The following MYO18A variants were observed in gnomAD, a reference collection of about 807,000 sequenced individuals.
The protein encoded by MYO18A is unconventional myosin-XVIIIa.
A neutral mutation model predicts 235.8 loss-of-function variants in MYO18A; 78 were observed. The ratio of observed to expected loss-of-function variants is 0.33; its 90% CI spans 0.28 to 0.40. MYO18A has a LOEUF of 0.40. Ranked by LOEUF, MYO18A falls within the 10% of genes least tolerant of loss-of-function variation. MYO18A has a pLI of 1.00. For synonymous variants in MYO18A, 977 were observed against 1,077.8 expected (o/e 0.91, Z 1.83); for missense variants, 2,215 against 2,699.3 (o/e 0.82, Z 3.98).
At chr17:29,133,662 C>T (rs2067527289) in intron 2 of MYO18A, 1 of 545,240 alleles carries the variant, frequency 1.8e-6, no homozygotes, top group African/African-American at 2.0e-5. Context: ...TTCTCCCTGC[C>T]ACCCCCAATT....
At chr17:29,163,668 T>C (rs1002250717) in intron 2 of MYO18A, among the ~76,000 whole-genome samples, 2 of 152,176 alleles carry the variant, frequency 1.3e-5, no homozygotes, top group Non-Finnish European at 2.9e-5. Flanking sequence ...AAGGGAAAGC[T>C]AGGAAAATCT....
At chr17:29,115,502 C>T in intron 12 of MYO18A, 61 bp from the exon 13 acceptor site, 3 of 1,566,268 alleles carry the variant, frequency 1.9e-6, no homozygotes, top group South Asian at 2.3e-5. Context: ...CTGGGTAAGC[C>T]CCTGACCTGC....
At chr17:29,093,528 C>A in intron 31 of MYO18A, 101 bp from the exon 32 acceptor site, 1 of 828,432 alleles carries the variant, frequency 1.2e-6, no homozygotes, top group Non-Finnish European at 2.0e-6. Context: ...AACAGTGGGG[C>A]AGGCCTGAGC....
At chr17:29,134,100 T>C (rs2067538468) in intron 2 of MYO18A, among the ~76,000 whole-genome samples, 1 of 152,204 alleles carries the variant, frequency 6.6e-6, no homozygotes, top group African/African-American at 2.4e-5. Context: ...ATTGTTTTTA[T>C]TTTTTTATTT....
At position 29,074,773 on chromosome 17, in the gene MYO18A, TG is replaced by T; in HGVS notation, c.6161del (p.Ala2054AspfsTer36). 1 of 1,613,932 alleles carries T rather than the reference TG, an allele frequency of 6.2e-7. No individual in the cohort carries two copies. Among genetic ancestry groups the T allele is most frequent in the Non-Finnish European group, 8.5e-7 (1 of 1,179,862 alleles). On this transcript the variant is annotated frameshift_variant, in exon 42 of 42. Coordinates refer to ENST00000527372, the MANE Select transcript of MYO18A (RefSeq NM_078471.4). LOFTEE classifies it high-confidence loss of function. This position sits in a 1 kb window ranked among gnomAD's most constrained non-coding sequence, Gnocchi z 4.4. ...DTEAKLTETN[A>X] ...GGCTGCCAACCACTCCCCTGGGCTA[TG>T]CGTTAGTCTCCGTCAGCTTGGCCTC...
In MYO18A at chr17:29,097,790, GCAT is replaced by G. The variant is rs753850710; in HGVS notation, c.4097_4099del (p.Asp1366del). On this transcript the variant is annotated inframe_deletion, in exon 26 of 42. Transcript: ENST00000527372. ...AGCTCCTTGGGCCTCAGGCCCACCTGCATCATCATCATCCACTTCCCCGTTGAT... is the reference window on the plus strand; with the variant it reads ...AGCTCCTTGGGCCTCAGGCCCACCTGCATCATCATCCACTTCCCCGTTGAT... 5 of 1,610,576 alleles carry G rather than the reference GCAT, an allele frequency of 3.1e-6. No homozygotes were observed. The highest frequency in any genetic ancestry group is 2.2e-5 in the East Asian group (1 of 44,870).
intron 2 of MYO18A, among the ~76,000 whole-genome samples, chr17:29,141,170 C>T (rs533787007): frequency 6.6e-6 from 1 of 152,246 alleles, no homozygotes; most frequent in South Asian, 2.1e-4. Flanking sequence ...GGGCCTCAGC[C>T]CTGCAGACAG....
chr17:29,121,815 G>GC lies in MYO18A; in HGVS notation c.1194+35dup, dbSNP rs763226718. ...CCTGCCCTGCCCAGTGCACTCCTGAGCCTCCTCCCCCACACCCAGCCCCCT... is the reference window on the plus strand; with the variant it reads ...CCTGCCCTGCCCAGTGCACTCCTGAGCCCTCCTCCCCCACACCCAGCCCCCT... On this transcript the variant is annotated intron_variant, in intron 4 of 41. Transcript: ENST00000527372. This position sits in a 1 kb window ranked among gnomAD's most constrained non-coding sequence, Gnocchi z 4.2. The GC allele has an allele frequency of 2.5e-6, 4 of 1,612,042 alleles. No individual in the cohort carries two copies. The African/African-American group carries it at 5.3e-5, about 22-fold the overall frequency.
At chr17:29,090,782 G>C (rs1382533789) in intron 35 of MYO18A, 28 bp downstream of exon 35, 1 of 1,592,176 alleles carries the variant, frequency 6.3e-7, no homozygotes, top group South Asian at 1.1e-5. Context: ...ACGGTGCAGA[G>C]TGTGACGGGC....
chr17:29,133,727 C>A, intron 2 of MYO18A: 1 of 1,150,318 alleles, frequency 8.7e-7, no homozygotes, highest in Non-Finnish European at 1.2e-6. Flanking sequence ...TCCCACAAGC[C>A]AGTCTCCTGC....
intron 2 of MYO18A, among the ~76,000 whole-genome samples, chr17:29,148,503 TAG>T (rs1236841431): frequency 3.3e-5 from 5 of 152,080 alleles, no homozygotes; most frequent in Non-Finnish European, 7.4e-5. Context: ...GGGCCAGTAC[TAG>T]AGTCTACACC....
At chr17:29,175,600 G>GC (rs985245053) in intron 1 of MYO18A, among the ~76,000 whole-genome samples, 1 of 151,902 alleles carries the variant, frequency 6.6e-6, no homozygotes, top group African/African-American at 2.4e-5. Flanking sequence ...CTGGGCTCAA[G>GC]CAATCTGCCT....
rs766917344 is a variant in MYO18A at position 29,085,625 on chromosome 17, T to C, written c.5876A>G (p.Tyr1959Cys). ...INSLQDMVTK[Y>C]QKRKNKLEGD... Reference sequence around the variant, plus strand: ...TCACAGTTTATTCTTTCTTTTCTGATACTTTGTCACCATGTCCTGCAAACT... The same window carrying C: ...TCACAGTTTATTCTTTCTTTTCTGACACTTTGTCACCATGTCCTGCAAACT... The change falls in exon 40 of 42, where the codon TAT (tyrosine) becomes TGT (cysteine). Residue 1959 changes from tyrosine to cysteine, a missense_variant. Tyr to Cys is a radical substitution (Grantham distance 194). Coordinates refer to ENST00000527372, the MANE Select transcript of MYO18A (RefSeq NM_078471.4). 1.2e-6 allele frequency: 2 copies of C among 1,614,034 alleles called. No individual in the cohort carries two copies. The highest frequency in any genetic ancestry group is 1.7e-6 in the Non-Finnish European group (2 of 1,179,882).
chr17:29,179,143 C>T (rs1169021373), intron 1 of MYO18A, among the ~76,000 whole-genome samples: 1 of 152,184 alleles, frequency 6.6e-6, no homozygotes, highest in Admixed American at 6.5e-5. Flanking sequence ...AGCATTCCCC[C>T]AGCCCTCCCC....
intron 2 of MYO18A, among the ~76,000 whole-genome samples, chr17:29,146,402 A>C (rs929367602): frequency 2.6e-5 from 4 of 152,202 alleles, no homozygotes; most frequent in African/African-American, 7.2e-5. Context: ...CTGGGTCTCA[A>C]ATCAAGCAAG....
Position 29,107,000 on chromosome 17 carries a change from G to A in MYO18A, c.3441+80C>T. On this transcript the variant is annotated intron_variant, in intron 20 of 41. Transcript: ENST00000527372. The surrounding 1 kb of genome is among the most constrained non-coding windows in gnomAD (Gnocchi z 4.6). ...GGCCAGATGAGCTGTCTCCAGGGAAGGGAAGGCAGATGAGTCTGGAAAGGG... is the reference window on the plus strand; with the variant it reads ...GGCCAGATGAGCTGTCTCCAGGGAAAGGAAGGCAGATGAGTCTGGAAAGGG... The A allele has an allele frequency of 7.4e-7, 1 of 1,354,392 alleles. No individual in the cohort carries two copies. The highest frequency in any genetic ancestry group is 1.1e-6 in the Non-Finnish European group (1 of 947,338). The allele number at this position is 1,354,392 out of a possible 1,614,324, so 83.9% of individuals were successfully genotyped here.
intron 3 of MYO18A, 44 bp downstream of exon 3, chr17:29,122,122 A>T: frequency 6.3e-7 from 1 of 1,587,602 alleles, no homozygotes; most frequent in South Asian, 1.1e-5. Flanking sequence ...CAGCCCTGAG[A>T]CCAGTGAGTC....
intron 30 of MYO18A, 179 bp downstream of exon 30, chr17:29,094,471 G>A (rs1392720318): frequency 2.0e-5 from 13 of 660,988 alleles, no homozygotes; most frequent in East Asian, 8.0e-5. Context: ...TTCCACGAGC[G>A]CGTCTTCACA....
In MYO18A at chr17:29,166,652, G is replaced by C; in HGVS notation, c.289C>G (p.Leu97Val). Residue 97 changes from leucine (L) to valine (V), a missense_variant, in exon 2 of 42, where the codon CTA becomes GTA. Coordinates refer to ENST00000527372, the MANE Select transcript of MYO18A (RefSeq NM_078471.4). ...RGSVILDSGH[L>V]STASSSDDLK... Reference sequence around the variant, plus strand: ...TCATCGCTGGAGCTGGCTGTACTTAGGTGGCCCGAGTCCAGGATGACGCTG... The same window carrying C: ...TCATCGCTGGAGCTGGCTGTACTTACGTGGCCCGAGTCCAGGATGACGCTG... 1 of 1,613,852 alleles carries C rather than the reference G, an allele frequency of 6.2e-7. No individual in the cohort carries two copies. Among genetic ancestry groups the C allele is most frequent in the Non-Finnish European group, 8.5e-7 (1 of 1,179,852 alleles).
Sources: allele counts gnomAD v4.1 joint callset (sites outside exome capture counted in the v4.1 genomes callset), GRCh38; gene constraint gnomAD v4.1.1; non-coding constraint Gnocchi (gnomAD v3.1); transcripts MANE v1.5; gene names NCBI Gene and HGNC (gene_info 2026-07-23, HGNC 2026-07-21).